The following UPF1 variants were observed in gnomAD, a reference collection of about 807,000 sequenced individuals.
UPF1 encodes regulator of nonsense transcripts 1.
In UPF1, 9 loss-of-function variants were observed where a neutral mutation model predicts 129.2. That is an observed-to-expected ratio of 0.07 (90% CI 0.04 to 0.12). The LOEUF is 0.12. Ranked by LOEUF, UPF1 falls within the 10% of genes least tolerant of loss-of-function variation. The pLI, the probability that UPF1 is intolerant of heterozygous loss-of-function variation, is 1.00. For missense variants in UPF1, 788 were observed against 1,525.3 expected (o/e 0.52, Z 8.05); for synonymous variants, 649 against 644.9 (o/e 1.01, Z -0.10).
intron 11 of UPF1, 123 bp from the exon 12 acceptor site, chr19:18,855,802 C>T (rs1271343457): frequency 6.7e-6 from 9 of 1,349,434 alleles, no homozygotes; most frequent in Non-Finnish European, 6.9e-6. Context: ...TAGCTGAGAT[C>T]ACACCACTGC....
chr19:18,850,254 C>T lies in UPF1; in HGVS notation c.629+12C>T, dbSNP rs1204237021. 6.3e-7 allele frequency: 1 copy of T among 1,587,520 alleles called. No homozygotes were observed. Among genetic ancestry groups the T allele is most frequent in the Non-Finnish European group, 8.6e-7 (1 of 1,166,384 alleles). On this transcript the variant is annotated intron_variant, in intron 4 of 23. Coordinates refer to ENST00000262803, the MANE Select transcript of UPF1 (RefSeq NM_002911.4). This position sits in a 1 kb window ranked among gnomAD's most constrained non-coding sequence, Gnocchi z 7.1. ...GTGCTGCTGTGCAGGTGAGTGGTCC[C>T]CAGATGTCTCCTGGGGGTGACCTTT...
At position 18,832,067 on chromosome 19, in the gene UPF1, G is replaced by A. The variant is rs1450306757; in HGVS notation, c.-143G>A. On this transcript the variant is annotated 5_prime_UTR_variant, in exon 1 of 24. Coordinates refer to ENST00000262803, the MANE Select transcript of UPF1 (RefSeq NM_002911.4). This position sits in a 1 kb window ranked among gnomAD's most constrained non-coding sequence, Gnocchi z 5.6. ...GGCACTGTTACCTCTCGGTCCGGCT[G>A]GCGCCGGGGCGCGCGGTTTGGTCCT... 2.7e-6 allele frequency: 2 copies of A among 740,420 alleles called. No individual in the cohort carries two copies. The highest frequency in any genetic ancestry group is 3.8e-5 in the African/African-American group (2 of 52,752). The allele number at this position is 740,420 out of a possible 1,614,324, so 45.9% of individuals were successfully genotyped here.
Position 18,865,854 on chromosome 19 carries a change from C to T in UPF1, c.3237+76C>T. ...ACCTGAAACATTCCCTCTGAAGAGC[C>T]CCAGAGAGCTGGCCTGGCCCATGTC... On this transcript the variant is annotated intron_variant, in intron 22 of 23. Coordinates refer to ENST00000262803, the MANE Select transcript of UPF1 (RefSeq NM_002911.4). This position sits in a 1 kb window ranked among gnomAD's most constrained non-coding sequence, Gnocchi z 6.1. The T allele has an allele frequency of 6.3e-7, 1 of 1,593,884 alleles. No individual in the cohort carries two copies. Among genetic ancestry groups the T allele is most frequent in the Non-Finnish European group, 8.5e-7 (1 of 1,171,352 alleles).
chr19:18,865,697 C>T lies in UPF1; in HGVS notation c.3156C>T (p.Gly1052=), dbSNP rs754161799. ...TGGCGTCACAGCCCTTCTCTCAGGG[C>T]GCCCTGACGCAGGGCTACATCTCCA... The part of the protein sequence containing the change: ...QDVASQPFSQ[G]ALTQGYISMS... The change falls in exon 22 of 24, where the codon GGC becomes GGT. Residue 1052 remains glycine, a synonymous_variant. Transcript: ENST00000262803. This position sits in a 1 kb window ranked among gnomAD's most constrained non-coding sequence, Gnocchi z 6.1. 1.7e-5 allele frequency: 27 copies of T among 1,613,670 alleles called. No homozygotes were observed. The highest frequency in any genetic ancestry group is 6.7e-5 in the Admixed American group (4 of 60,006).
At chr19:18,839,506 A>G (rs2055518716) in intron 1 of UPF1, among the ~76,000 whole-genome samples, 1 of 151,758 alleles carries the variant, frequency 6.6e-6, no homozygotes, top group African/African-American at 2.4e-5. Flanking sequence ...CTCCCTCCCC[A>G]CCACCCCTTG....
Position 18,857,510 on chromosome 19 carries a change from C to T in UPF1, c.2159C>T (p.Ser720Phe), listed in dbSNP as rs1479019968. 6.2e-7 allele frequency: 1 copy of T among 1,613,658 alleles called. No homozygotes were observed. The change falls in exon 15 of 24, where the codon TCC becomes TTC. Residue 720 changes from serine (S) to phenylalanine (F), a missense_variant. Ser to Phe is a radical substitution (Grantham distance 155). This residue lies in a region of UPF1 where 140 missense variants were observed against 385.9 expected (regional missense o/e 0.36). Transcript: ENST00000262803. Reference protein sequence around the residue: ...AFPSNIFYEGSLQNGVTAADR... With the variant: ...AFPSNIFYEGFLQNGVTAADR... ...CCATCCAACATCTTCTACGAGGGCT[C>T]CCTCCAGAATGGTGTCACTGCAGGT...
In UPF1 at chr19:18,850,378, T is replaced by C. The variant is rs1031682995; in HGVS notation, c.629+136T>C. On this transcript the variant is annotated intron_variant, in intron 4 of 23. Transcript: ENST00000262803. This position sits in a 1 kb window ranked among gnomAD's most constrained non-coding sequence, Gnocchi z 7.1. ...TCCAAAGATGGTTTTTGCTGAAGGG[T>C]GAGGCATGAGAGCGTTTAGGCGCTG... 5.8e-5 allele frequency: 74 copies of C among 1,284,052 alleles called. 3 individuals carry two copies. Among genetic ancestry groups the C allele is most frequent in the Non-Finnish European group, 1.5e-5 (14 of 952,084 alleles). 79.5% of individuals were successfully genotyped at this position (1,284,052 alleles called of 1,614,324 possible). A position where few individuals can be genotyped will look rare whatever the true frequency, so the allele number is the denominator to read the frequency against.
chr19:18,865,838 A>C lies in UPF1; in HGVS notation c.3237+60A>C. Reference sequence around the variant, plus strand: ...GAGGGTGGGGCTATGCACCTGAAACATTCCCTCTGAAGAGCCCCAGAGAGC... The same window carrying C: ...GAGGGTGGGGCTATGCACCTGAAACCTTCCCTCTGAAGAGCCCCAGAGAGC... On this transcript the variant is annotated intron_variant, in intron 22 of 23. Transcript: ENST00000262803. The surrounding 1 kb of genome is among the most constrained non-coding windows in gnomAD (Gnocchi z 6.1). The C allele has an allele frequency of 6.2e-7, 1 of 1,602,940 alleles. No homozygotes were observed.
At chr19:18,855,613 G>T (rs1407780046) in intron 11 of UPF1, 1 of 493,860 alleles carries the variant, frequency 2.0e-6, no homozygotes, top group Non-Finnish European at 3.6e-6. Flanking sequence ...CTTCGGCATC[G>T]TGTCATTACT....
chr19:18,865,160 C>A lies in UPF1; in HGVS notation c.2858-129C>A. 3 of 1,217,678 alleles carry A rather than the reference C, an allele frequency of 2.5e-6. No individual in the cohort carries two copies. The highest frequency in any genetic ancestry group is 3.4e-6 in the Non-Finnish European group (3 of 887,162). 75.4% of individuals were successfully genotyped at this position (1,217,678 alleles called of 1,614,324 possible). ...TAGTTAACATGGAGTCCTGCGAATCCGCATCTTCAGCCTGGGCAGAGCCAG... is the reference window on the plus strand; with the variant it reads ...TAGTTAACATGGAGTCCTGCGAATCAGCATCTTCAGCCTGGGCAGAGCCAG... On this transcript the variant is annotated intron_variant, in intron 20 of 23. Coordinates refer to ENST00000262803, the MANE Select transcript of UPF1 (RefSeq NM_002911.4). The surrounding 1 kb of genome is among the most constrained non-coding windows in gnomAD (Gnocchi z 6.1).
chr19:18,865,193 G>T lies in UPF1; in HGVS notation c.2858-96G>T. On this transcript the variant is annotated intron_variant, in intron 20 of 23. Coordinates refer to ENST00000262803, the MANE Select transcript of UPF1 (RefSeq NM_002911.4). This position sits in a 1 kb window ranked among gnomAD's most constrained non-coding sequence, Gnocchi z 6.1. ...CAGCCTGGGCAGAGCCAGGACAGAT[G>T]TGCAGCTCCGGCTGACTGGCTGGTG... is the stretch of plus-strand genomic sequence containing the variant. 1 of 1,422,994 alleles carries T rather than the reference G, an allele frequency of 7.0e-7. No homozygotes were observed. The highest frequency in any genetic ancestry group is 9.5e-7 in the Non-Finnish European group (1 of 1,051,178). The allele number at this position is 1,422,994 out of a possible 1,614,324, so 88.1% of individuals were successfully genotyped here.
intron 6 of UPF1, 130 bp downstream of exon 6, chr19:18,852,426 G>GT: frequency 7.3e-7 from 1 of 1,374,574 alleles, no homozygotes; most frequent in Non-Finnish European, 9.8e-7. Flanking sequence ...ACACCTGAGA[G>GT]TTGGAACTTG....
chr19:18,865,570 C>T lies in UPF1; in HGVS notation c.3029C>T (p.Thr1010Ile), dbSNP rs2055833752. ...QANGPAAGRG[T>I]PKGKTGRGGR... is the part of the protein sequence containing the mutation. ...GACTGCTGTCTTTCAGGGCGAGGCA[C>T]CCCGAAAGGCAAGACTGGTCGTGGG... Residue 1010 changes from threonine to isoleucine, a missense_variant, in exon 22 of 24, where the codon ACC becomes ATC. Physicochemically the swap from Thr to Ile is moderately conservative, Grantham distance 89 (BLOSUM62 -1). Coordinates refer to ENST00000262803, the MANE Select transcript of UPF1 (RefSeq NM_002911.4). The surrounding 1 kb of genome is among the most constrained non-coding windows in gnomAD (Gnocchi z 6.1). 6.2e-7 allele frequency: 1 copy of T among 1,613,818 alleles called. No homozygotes were observed. The highest frequency in any genetic ancestry group is 2.2e-5 in the East Asian group (1 of 44,894).
At chr19:18,833,361 A>G (rs892266531) in intron 1 of UPF1, 1 of 152,154 alleles carries the variant, frequency 6.6e-6, no homozygotes, top group African/African-American at 2.4e-5. Flanking sequence ...TGCCTTGGAA[A>G]AGTTGGGTTT....
chr19:18,864,145 T>C (rs907316869), intron 19 of UPF1, 25 bp from the exon 20 acceptor site: 1 of 1,610,258 alleles, frequency 6.2e-7, no homozygotes, highest in South Asian at 1.1e-5. Flanking sequence ...GATGACAAAT[T>C]CCTCACCTAT....
chr19:18,848,005 A>G (rs2055618629), intron 3 of UPF1, 172 bp downstream of exon 3: 1 of 609,188 alleles, frequency 1.6e-6, no homozygotes, highest in Non-Finnish European at 2.9e-6. Flanking sequence ...TGAATGCCTT[A>G]ATGTATTTAC....
chr19:18,835,334 C>T (rs1601091552), intron 1 of UPF1, among the ~76,000 whole-genome samples: 1 of 151,802 alleles, frequency 6.6e-6, no homozygotes, highest in Non-Finnish European at 1.5e-5. Flanking sequence ...TGGTATGTGT[C>T]ATCATTTCAT....
intron 18 of UPF1, among the ~76,000 whole-genome samples, chr19:18,862,465 TAA>T (rs2055790910): frequency 6.6e-6 from 1 of 152,162 alleles, no homozygotes. Context: ...TTTTTGGTTC[TAA>T]AATACAACTT....
At chr19:18,841,545 T>C (rs1272936463) in intron 1 of UPF1, among the ~76,000 whole-genome samples, 1 of 152,252 alleles carries the variant, frequency 6.6e-6, no homozygotes, top group African/African-American at 2.4e-5. Flanking sequence ...TGGCTGTCTC[T>C]GGGCCCTGCG....
Sources: allele counts gnomAD v4.1 joint callset (sites outside exome capture counted in the v4.1 genomes callset), GRCh38; gene constraint gnomAD v4.1.1; regional missense constraint gnomAD v4.1.1; non-coding constraint Gnocchi (gnomAD v3.1); transcripts MANE v1.5; gene names NCBI Gene and HGNC (gene_info 2026-07-23, HGNC 2026-07-21).